The following PTPRQ variants were observed in gnomAD, a reference collection of about 807,000 sequenced individuals.
PTPRQ encodes the protein phosphatidylinositol phosphatase PTPRQ.
Under a neutral mutation model 246.0 loss-of-function variants are expected in PTPRQ, and 199 were observed. The ratio of observed to expected loss-of-function variants is 0.81; its 90% CI spans 0.72 to 0.91. The LOEUF is 0.91. Ranked by LOEUF, PTPRQ falls within the 40% of genes least tolerant of loss-of-function variation. PTPRQ has a pLI of 0.00. For missense variants in PTPRQ, 2,624 were observed against 2,528.4 expected (o/e 1.04, Z -0.81); for synonymous variants, 869 against 853.2 (o/e 1.02, Z -0.32).
chr12:80,584,580 C>G (rs1203448572), intron 25 of PTPRQ, among the ~76,000 whole-genome samples: 1 of 152,116 alleles, frequency 6.6e-6, no homozygotes, highest in Non-Finnish European at 1.5e-5. Context: ...AGTCCCCAAG[C>G]TATTGTGCAG....
At chr12:80,603,970 T>G (rs1401010544) in intron 26 of PTPRQ, among the ~76,000 whole-genome samples, 1 of 151,688 alleles carries the variant, frequency 6.6e-6, no homozygotes, top group Non-Finnish European at 1.5e-5. Context: ...GTTTTCATAA[T>G]TTCTTTTAAA....
At chr12:80,569,129 C>CTTTTT in intron 25 of PTPRQ, among the ~76,000 whole-genome samples, 1 of 97,606 alleles carries the variant, frequency 1.0e-5, no homozygotes, top group Non-Finnish European at 2.2e-5. Context: ...GGATACAATT[C>CTTTTT]TTTTTTTTTT....
Position 80,613,652 on chromosome 12 carries a change from T to A in PTPRQ, c.4979T>A (p.Phe1660Tyr), listed in dbSNP as rs1469157174. 6.5e-7 allele frequency: 1 copy of A among 1,545,324 alleles called. No homozygotes were observed. The highest frequency in any genetic ancestry group is 2.0e-5 in the Admixed American group (1 of 50,678). ...AAGATACCAGATGAAGTTACAAAAT[T>A]TCAATTAACGTTCCTTCCTCCTTCT... ...FQKIPDEVTKFQLTFLPPSQP... is the reference protein window; with the variant it reads ...FQKIPDEVTKYQLTFLPPSQP... The change falls in exon 29 of 45, where the codon TTT becomes TAT. Residue 1660 changes from phenylalanine (F) to tyrosine (Y), a missense_variant. Transcript: ENST00000644991.
intron 8 of PTPRQ, among the ~76,000 whole-genome samples, chr12:80,481,258 A>G (rs150855449): frequency 5.9e-5 from 9 of 152,338 alleles, no homozygotes; most frequent in African/African-American, 2.2e-4. Context: ...ATATAAACAG[A>G]ACCAAAGACA....
At chr12:80,446,226 G>A (rs1312242092) in intron 3 of PTPRQ, among the ~76,000 whole-genome samples, 1 of 142,784 alleles carries the variant, frequency 7.0e-6, no homozygotes, top group Non-Finnish European at 1.5e-5. Flanking sequence ...GGGAGCTCAA[G>A]TTTTTTTTTT....
intron 35 of PTPRQ, among the ~76,000 whole-genome samples, chr12:80,639,019 A>C (rs7313510): frequency 0.061 from 9,291 of 152,240 alleles, 359 homozygotes; most frequent in South Asian, 0.19. Context: ...AAACACCACC[A>C]CTTAGCCCAC....
At chr12:80,514,568 A>T (rs1895228326) in intron 17 of PTPRQ, among the ~76,000 whole-genome samples, 1 of 144,906 alleles carries the variant, frequency 6.9e-6, no homozygotes, top group South Asian at 2.1e-4. Context: ...AATATATATT[A>T]TACAAATATA....
At chr12:80,466,414 G>A (rs1481103490) in intron 6 of PTPRQ, among the ~76,000 whole-genome samples, 2 of 152,162 alleles carry the variant, frequency 1.3e-5, no homozygotes, top group Non-Finnish European at 2.9e-5. Flanking sequence ...TCAATATCAT[G>A]AAAATGGCCA....
intron 26 of PTPRQ, among the ~76,000 whole-genome samples, chr12:80,597,879 T>C (rs1898021365): frequency 6.6e-6 from 1 of 151,972 alleles, no homozygotes; most frequent in African/African-American, 2.4e-5. Context: ...TGAGGACCAC[T>C]GTTGTAGAAA....
At chr12:80,480,413 A>G (rs1893997417) in intron 8 of PTPRQ, among the ~76,000 whole-genome samples, 1 of 152,022 alleles carries the variant, frequency 6.6e-6, no homozygotes, top group African/African-American at 2.4e-5. Flanking sequence ...TGCCCACAAG[A>G]GAAAGCAGGA....
Position 80,634,644 on chromosome 12 carries a change from C to T in PTPRQ, c.5787-301C>T, listed in dbSNP as rs772509493. 460 of 260,094 alleles carry T rather than the reference C, an allele frequency of 1.8e-3. 5 individuals are homozygous for T. Among genetic ancestry groups the T allele is most frequent in the Middle Eastern group, 0.014 (11 of 770 alleles). The allele number at this position is 260,094 out of a possible 1,614,324, so 16.1% of individuals were successfully genotyped here. On this transcript the variant is annotated intron_variant, in intron 34 of 44. Transcript: ENST00000644991. ...AGAGAGAAGAGAAACAAGATCACAA[C>T]GTAAGTCTTCTTGGCTCTATATTTA...
At chr12:80,638,468 G>A (rs909371613) in intron 35 of PTPRQ, among the ~76,000 whole-genome samples, 1 of 151,914 alleles carries the variant, frequency 6.6e-6, no homozygotes, top group African/African-American at 2.4e-5. Flanking sequence ...ATTAATTTTA[G>A]GAAGTTACCA....
chr12:80,591,451 G>A (rs369379144), intron 26 of PTPRQ, among the ~76,000 whole-genome samples: 2 of 152,034 alleles, frequency 1.3e-5, no homozygotes, highest in Non-Finnish European at 2.9e-5. Flanking sequence ...GTCTAGAATA[G>A]TTCCCAGTAC....
intron 26 of PTPRQ, among the ~76,000 whole-genome samples, chr12:80,603,683 T>C (rs1898215806): frequency 6.6e-6 from 1 of 151,500 alleles, no homozygotes; most frequent in Admixed American, 6.6e-5. Flanking sequence ...GTGGGTCCTG[T>C]TGTTTATGTC....
intron 25 of PTPRQ, among the ~76,000 whole-genome samples, chr12:80,551,347 G>A (rs1211915698): frequency 6.6e-6 from 1 of 151,930 alleles, no homozygotes; most frequent in East Asian, 1.9e-4. Flanking sequence ...ATTTCCATCA[G>A]GGCTCTGCAA....
chr12:80,616,561 T>C (rs972780357), intron 30 of PTPRQ, among the ~76,000 whole-genome samples: 3 of 151,248 alleles, frequency 2.0e-5, no homozygotes, highest in African/African-American at 7.3e-5. Flanking sequence ...TTGATGTTTC[T>C]TTAAATGTTA....
chr12:80,534,856 C>A (rs1393308761), intron 18 of PTPRQ, 36 bp from the exon 19 acceptor site: 1 of 1,537,928 alleles, frequency 6.5e-7, no homozygotes, highest in Non-Finnish European at 8.8e-7. Context: ...CTTGTAAACA[C>A]AAATACAGTA....
At chr12:80,550,338 T>C (rs1000294957) in intron 25 of PTPRQ, among the ~76,000 whole-genome samples, 1 of 152,174 alleles carries the variant, frequency 6.6e-6, no homozygotes, top group Non-Finnish European at 1.5e-5. Flanking sequence ...TCTTTCCTGA[T>C]AACACCACTT....
chr12:80,556,048 G>C (rs1321948631), intron 25 of PTPRQ, among the ~76,000 whole-genome samples: 2 of 151,560 alleles, frequency 1.3e-5, no homozygotes, highest in Admixed American at 6.6e-5. Context: ...TTTTTTTTGA[G>C]ACAGAGTCTT....
Sources: allele counts gnomAD v4.1 joint callset (sites outside exome capture counted in the v4.1 genomes callset), GRCh38; gene constraint gnomAD v4.1.1; transcripts MANE v1.5; gene names NCBI Gene and HGNC (gene_info 2026-07-23, HGNC 2026-07-21).